Variants in PTPRN2 observed in about 807,000 individuals in gnomAD.
PTPRN2 encodes the protein receptor-type tyrosine-protein phosphatase N2.
In PTPRN2, 74 loss-of-function variants were observed where a neutral mutation model predicts 118.8. The observed-to-expected ratio is 0.62, with a 90% confidence interval of 0.52 to 0.76. PTPRN2 has a LOEUF of 0.76. Among genes scored for constraint, PTPRN2 ranks in the 30% least tolerant of loss-of-function variants. The pLI is 0.00. For missense variants in PTPRN2, 1,481 were observed against 1,394.4 expected, an observed-to-expected ratio of 1.06 and a Z score of -0.99; for synonymous variants, 641 against 608.0, an observed-to-expected ratio of 1.05 and a Z score of -0.80.
At chr7:157,733,260 G>A (rs1206232626) in intron 12 of PTPRN2, among the ~76,000 whole-genome samples, 1 of 23,790 alleles carries the variant, frequency 4.2e-5, no homozygotes, top group Admixed American at 3.9e-4. Context: ...CACGCGCCCA[G>A]CACAGTTACT....
intron 6 of PTPRN2, among the ~76,000 whole-genome samples, chr7:158,153,816 C>T (rs1585659990): frequency 6.6e-6 from 1 of 151,122 alleles, no homozygotes; most frequent in South Asian, 2.1e-4. Context: ...GAGGCCAGGT[C>T]TGGTCAGATC....
At chr7:157,693,239 G>A (rs1797603241) in intron 12 of PTPRN2, among the ~76,000 whole-genome samples, 1 of 152,054 alleles carries the variant, frequency 6.6e-6, no homozygotes, top group Non-Finnish European at 1.5e-5. Context: ...CGGCCAGCGC[G>A]CGCGTCTGTG....
intron 2 of PTPRN2, among the ~76,000 whole-genome samples, chr7:158,445,007 G>A (rs1285984265): frequency 6.6e-6 from 1 of 152,232 alleles, no homozygotes; most frequent in African/African-American, 2.4e-5. Flanking sequence ...ACAGCGTGTG[G>A]ACCGTGAGAC....
rs1020576474 is a variant in PTPRN2, at chr7:157,979,100, G to A, written c.1724-80363C>T. ...CCTTGCCTACCTGCCATCTCCCATC[G>A]CCCCCGCGGCCCTGGCAGGAGGGAT... On this transcript the variant is annotated intron_variant, in intron 11 of 22. Coordinates refer to ENST00000389418, the MANE Select transcript of PTPRN2 (RefSeq NM_002847.5). Among the ~76,000 whole-genome samples, 6 of 151,914 alleles carry A rather than the reference G, an allele frequency of 3.9e-5. 1 individual carries two copies. The highest frequency in any genetic ancestry group is 1.3e-4 in the Admixed American group (2 of 15,256).
chr7:158,121,489 T>A (rs1221833058), intron 9 of PTPRN2, among the ~76,000 whole-genome samples: 1 of 152,206 alleles, frequency 6.6e-6, no homozygotes, highest in African/African-American at 2.4e-5. Context: ...CCAAGCCTAC[T>A]GCCCCCTGCG....
intron 5 of PTPRN2, among the ~76,000 whole-genome samples, chr7:158,190,136 G>C (rs1313687664): frequency 6.6e-6 from 1 of 152,126 alleles, no homozygotes; most frequent in East Asian, 1.9e-4. Flanking sequence ...TTGCTGACTG[G>C]GCACTCCATG....
chr7:158,280,391 A>G (rs1449337341), intron 3 of PTPRN2, among the ~76,000 whole-genome samples: 1 of 152,172 alleles, frequency 6.6e-6, no homozygotes, highest in Admixed American at 6.5e-5. Flanking sequence ...TGACACCGGC[A>G]GGGAGGGACA....
intron 2 of PTPRN2, among the ~76,000 whole-genome samples, chr7:158,405,550 G>A (rs1813339263): frequency 6.6e-6 from 1 of 152,214 alleles, no homozygotes; most frequent in Non-Finnish European, 1.5e-5. Flanking sequence ...GCCTCCGCAA[G>A]CTTGCTAAGA....
At position 157,610,414 on chromosome 7, in the gene PTPRN2, G is replaced by C. The variant is rs1802261331; in HGVS notation, c.2345-6339C>G. ...ATGTTGATGGTGTGGCCTGTGGAGAGGTGGAGCCGGTGTCTTGCTCCTAGA... is the reference window on the plus strand; with the variant it reads ...ATGTTGATGGTGTGGCCTGTGGAGACGTGGAGCCGGTGTCTTGCTCCTAGA... On this transcript the variant is annotated intron_variant, in intron 15 of 22. Transcript: ENST00000389418. The surrounding 1 kb of genome is among the most constrained non-coding windows in gnomAD (Gnocchi z 5.1). Among the ~76,000 whole-genome samples the C allele has an allele frequency of 6.6e-6, 1 of 152,240 alleles. No individual in the cohort carries two copies. The highest frequency in any genetic ancestry group is 2.4e-5 in the African/African-American group (1 of 41,464).
chr7:157,705,101 C>T (rs540937109), intron 12 of PTPRN2, among the ~76,000 whole-genome samples: 41 of 152,238 alleles, frequency 2.7e-4, no homozygotes, highest in Non-Finnish European at 5.3e-4. Flanking sequence ...GTCAGGAGTT[C>T]GAGACCAGCC....
rs111279793 is a variant in PTPRN2 at position 158,074,749 on chromosome 7, C to T, written c.1723+6549G>A. Among the ~76,000 whole-genome samples, 1,515 of 152,184 alleles carry T rather than the reference C, an allele frequency of 1.0e-2. 22 individuals are homozygous for T. The highest frequency in any genetic ancestry group is 0.033 in the African/African-American group (1,388 of 41,504). ...TCCCCAGCAGTGAGTTGGAGGGGGG[C>T]CAGGTGCTCCCCAGCAGTGAGTCGG... On this transcript the variant is annotated intron_variant, in intron 11 of 22. Coordinates refer to ENST00000389418, the MANE Select transcript of PTPRN2 (RefSeq NM_002847.5).
At chr7:158,098,616 A>T (rs1814880222) in intron 10 of PTPRN2, among the ~76,000 whole-genome samples, 1 of 152,188 alleles carries the variant, frequency 6.6e-6, no homozygotes, top group African/African-American at 2.4e-5. Flanking sequence ...CCCGAGGCAC[A>T]CGCCTCCCTC....
rs549200975 is a variant in PTPRN2, at chr7:157,784,240, T to G, written c.1789-101303A>C. Among the ~76,000 whole-genome samples the G allele has an allele frequency of 7.9e-5, 12 of 152,188 alleles. No homozygotes were observed. In the South Asian group the frequency reaches 2.5e-3, roughly 32 times the overall value. On this transcript the variant is annotated intron_variant, in intron 12 of 22. Transcript: ENST00000389418. The surrounding 1 kb of genome is among the most constrained non-coding windows in gnomAD (Gnocchi z 4.6). ...AGCTCGTGAGTCAGCCTGGCCTAGT[T>G]GGAAAGGCACCAACTAGGTCTCAGG...
chr7:158,086,430 T>A (rs1377362473), intron 10 of PTPRN2, among the ~76,000 whole-genome samples: 1 of 152,154 alleles, frequency 6.6e-6, no homozygotes, highest in Non-Finnish European at 1.5e-5. Context: ...AGCCTGGCCA[T>A]TCCCCAGCTG....
At chr7:157,731,042 G>A (rs1799869064) in intron 12 of PTPRN2, among the ~76,000 whole-genome samples, 1 of 152,104 alleles carries the variant, frequency 6.6e-6, no homozygotes, top group South Asian at 2.1e-4. Context: ...CCCAGCCCTG[G>A]ACGAGGGGGT....
Position 158,570,691 on chromosome 7 carries a change from G to T in PTPRN2, c.112+16867C>A, listed in dbSNP as rs1247496733. 6.6e-6 allele frequency among the ~76,000 whole-genome samples: 1 copy of T among 152,258 alleles called. No individual in the cohort carries two copies. ...CACGTGTATACCGGCTCAGCACGCG[G>T]CTGGGTACGGTTTGCAACGCCGAGA... On this transcript the variant is annotated intron_variant, in intron 1 of 22. Transcript: ENST00000389418. The surrounding 1 kb of genome is among the most constrained non-coding windows in gnomAD (Gnocchi z 4.5).
At chr7:157,957,554 T>C (rs1801264037) in intron 11 of PTPRN2, among the ~76,000 whole-genome samples, 1 of 151,964 alleles carries the variant, frequency 6.6e-6, no homozygotes, top group Non-Finnish European at 1.5e-5. Flanking sequence ...TTTATTTATC[T>C]ATTACTATTA....
In PTPRN2 at chr7:157,801,060, TATATACACATATATATAC is replaced by T. The variant is rs1392302032; in HGVS notation, c.1788+97595_1788+97612del. On this transcript the variant is annotated intron_variant, in intron 12 of 22. Transcript: ENST00000389418. The surrounding 1 kb of genome is among the most constrained non-coding windows in gnomAD (Gnocchi z 4.2). ...ATATATATACACATATATACACATATATATACACATATATATACACACACACACACATATATATATGCA... is the reference window on the plus strand; with the variant it reads ...ATATATATACACATATATACACATATACACACACACACATATATATATGCA... Among the ~76,000 whole-genome samples, 946 of 150,758 alleles carry T rather than the reference TATATACACATATATATAC, an allele frequency of 6.3e-3. 6 individuals are homozygous for T. Among genetic ancestry groups the T allele is most frequent in the South Asian group, 0.024 (113 of 4,784 alleles).
At chr7:158,045,958 T>C (rs1246222562) in intron 11 of PTPRN2, among the ~76,000 whole-genome samples, 1 of 148,232 alleles carries the variant, frequency 6.7e-6, no homozygotes, top group Non-Finnish European at 1.5e-5. Context: ...GATCCTGGCA[T>C]CCTGACACTG....
Sources: allele counts gnomAD v4.1 joint callset (sites outside exome capture counted in the v4.1 genomes callset), GRCh38; gene constraint gnomAD v4.1.1; non-coding constraint Gnocchi (gnomAD v3.1); transcripts MANE v1.5; gene names NCBI Gene and HGNC (gene_info 2026-07-23, HGNC 2026-07-21).